GBE1: variants seen among roughly 807,000 people sequenced by gnomAD.
GBE1 encodes the protein 1,4-alpha-glucan branching enzyme 1, also known as 1,4-alpha-glucan-branching enzyme.
Under a neutral mutation model 88.8 loss-of-function variants are expected in GBE1, and 70 were observed. The observed-to-expected ratio is 0.79, with a 90% CI of 0.65 to 0.96. The LOEUF is 0.96. Ranked by LOEUF, GBE1 falls within the 40% of genes least tolerant of loss-of-function variation. The pLI is 0.00. For synonymous variants in GBE1, 284 were observed against 300.1 expected (o/e 0.95, Z 0.56); for missense variants, 872 against 871.0 (o/e 1.00, Z -0.01).
At chr3:81,575,226 T>A (rs1703630723) in intron 12 of GBE1, among the ~76,000 whole-genome samples, 1 of 150,218 alleles carries the variant, frequency 6.7e-6, no homozygotes, top group South Asian at 2.1e-4. Flanking sequence ...AATTTAGTTA[T>A]TGCTGATCTC....
intron 5 of GBE1, 114 bp from the exon 6 acceptor site, chr3:81,646,596 T>G (rs371772328): frequency 7.9e-6 from 5 of 635,284 alleles, no homozygotes; most frequent in Non-Finnish European, 1.4e-5. Context: ...ATCTAGAAGC[T>G]TTGGTCGTCT....
At chr3:81,664,559 A>G (rs1416623493) in intron 3 of GBE1, among the ~76,000 whole-genome samples, 4 of 152,158 alleles carry the variant, frequency 2.6e-5, no homozygotes, top group Admixed American at 2.6e-4. Context: ...GAAAACCAAC[A>G]AAATTTCTTC....
At chr3:81,506,722 G>A (rs1225272228) in intron 14 of GBE1, among the ~76,000 whole-genome samples, 1 of 152,160 alleles carries the variant, frequency 6.6e-6, no homozygotes, top group African/African-American at 2.4e-5. Flanking sequence ...CATACACCAT[G>A]GAATGCTATG....
At position 81,725,138 on chromosome 3, in the gene GBE1, C is replaced by T. The variant is rs778948409; in HGVS notation, c.144-19525G>A. Among the ~76,000 whole-genome samples, 8 of 152,238 alleles carry T rather than the reference C, an allele frequency of 5.3e-5. No individual in the cohort carries two copies. In the South Asian group the frequency reaches 6.2e-4, roughly 12 times the overall value. On this transcript the variant is annotated intron_variant, in intron 1 of 15. Coordinates refer to ENST00000429644, the MANE Select transcript of GBE1 (RefSeq NM_000158.4). ...GCTTTATACACACTGTCACAGGCTACGCTAAATTTATATTTAAACATTTTT... is the reference window on the plus strand; with the variant it reads ...GCTTTATACACACTGTCACAGGCTATGCTAAATTTATATTTAAACATTTTT...
At chr3:81,728,002 A>G (rs1048450272) in intron 1 of GBE1, among the ~76,000 whole-genome samples, 1 of 152,086 alleles carries the variant, frequency 6.6e-6, no homozygotes, top group African/African-American at 2.4e-5. Flanking sequence ...AGAATTATCA[A>G]TTAACCCTCC....
chr3:81,512,724 G>C (rs1015533272), intron 14 of GBE1, among the ~76,000 whole-genome samples: 5 of 151,818 alleles, frequency 3.3e-5, no homozygotes, highest in African/African-American at 7.2e-5. Flanking sequence ...CTCACATGTA[G>C]ATTGAGGACA....
chr3:81,575,541 T>C (rs894164155), intron 12 of GBE1, among the ~76,000 whole-genome samples: 11 of 152,140 alleles, frequency 7.2e-5, no homozygotes, highest in African/African-American at 2.7e-4. Context: ...TATAAAAATA[T>C]GTGCTATACA....
chr3:81,640,867 A>G (rs371909709), intron 7 of GBE1, among the ~76,000 whole-genome samples: 1 of 152,162 alleles, frequency 6.6e-6, no homozygotes, highest in East Asian at 1.9e-4. Context: ...TTAAGCTAAA[A>G]CTATAGGATG....
At chr3:81,568,890 G>A (rs1473981192) in intron 12 of GBE1, among the ~76,000 whole-genome samples, 1 of 152,002 alleles carries the variant, frequency 6.6e-6, no homozygotes, top group African/African-American at 2.4e-5. Context: ...CACAGATTGT[G>A]AGCTAAATGG....
chr3:81,512,726 T>C (rs1427229022), intron 14 of GBE1, among the ~76,000 whole-genome samples: 1 of 151,828 alleles, frequency 6.6e-6, no homozygotes, highest in Non-Finnish European at 1.5e-5. Context: ...CACATGTAGA[T>C]TGAGGACAAA....
chr3:81,537,149 T>C, intron 12 of GBE1, 54 bp from the exon 13 acceptor site: 4 of 1,037,524 alleles, frequency 3.9e-6, no homozygotes, highest in Non-Finnish European at 5.3e-6. Flanking sequence ...AATTTCTTAC[T>C]AATAATAAAT....
intron 3 of GBE1, among the ~76,000 whole-genome samples, chr3:81,657,962 A>G (rs1247318046): frequency 6.6e-6 from 1 of 152,158 alleles, no homozygotes; most frequent in Non-Finnish European, 1.5e-5. Context: ...ACTGGACACT[A>G]CACAGGAGAA....
intron 8 of GBE1, among the ~76,000 whole-genome samples, chr3:81,593,084 T>C (rs2047016): frequency 0.65 from 98,382 of 151,720 alleles, 33,558 homozygotes; most frequent in East Asian, 0.92. Context: ...AATAATTGGC[T>C]GGGTGTGGTG....
rs576446278 is a variant in GBE1, at chr3:81,513,480, G to A, written c.1935-14253C>T. On this transcript the variant is annotated intron_variant, in intron 14 of 15. Transcript: ENST00000429644. ...CTAGAGGGCAAAGAGTTGGAGTTCTGTCTTAGGAAAATCAAGGCCCGGAAA... is the reference window on the plus strand; with the variant it reads ...CTAGAGGGCAAAGAGTTGGAGTTCTATCTTAGGAAAATCAAGGCCCGGAAA... Among the ~76,000 whole-genome samples the A allele has an allele frequency of 2.6e-5, 4 of 151,372 alleles. No homozygotes were observed. In the East Asian group the frequency reaches 7.8e-4, roughly 29 times the overall value.
At chr3:81,574,138 T>C (rs1394932747) in intron 12 of GBE1, among the ~76,000 whole-genome samples, 1 of 152,138 alleles carries the variant, frequency 6.6e-6, no homozygotes, top group East Asian at 1.9e-4. Context: ...TTTTAACAAA[T>C]CACTACATTT....
intron 2 of GBE1, among the ~76,000 whole-genome samples, chr3:81,702,102 A>AGAGAGAGTGTGT (rs1468506890): frequency 2.6e-5 from 3 of 115,472 alleles, no homozygotes; most frequent in African/African-American, 5.8e-5. Flanking sequence ...AGAGAGAGAG[A>AGAGAGAGTGTGT]GTGTGTGTGT....
intron 7 of GBE1, among the ~76,000 whole-genome samples, chr3:81,598,238 T>A (rs1418790078): frequency 6.6e-6 from 1 of 151,810 alleles, no homozygotes; most frequent in South Asian, 2.1e-4. Context: ...ATCAAAAAAA[T>A]ATAAAGGAAA....
intron 7 of GBE1, among the ~76,000 whole-genome samples, chr3:81,610,198 G>A (rs1377548619): frequency 6.6e-6 from 1 of 152,130 alleles, no homozygotes; most frequent in African/African-American, 2.4e-5. Flanking sequence ...TAGAGCAATA[G>A]CAGTACTAAG....
intron 7 of GBE1, among the ~76,000 whole-genome samples, chr3:81,616,342 T>A (rs1704247935): frequency 1.3e-5 from 2 of 152,160 alleles, no homozygotes; most frequent in Non-Finnish European, 2.9e-5. Flanking sequence ...ATTTTCACAT[T>A]TTACGTGTTA....
Sources: gnomAD v4.1 joint callset for allele counts (sites outside exome capture counted in the v4.1 genomes callset) on GRCh38, gnomAD v4.1.1 for gene constraint, MANE v1.5 for transcripts, NCBI Gene and HGNC (gene_info 2026-07-23, HGNC 2026-07-21) for gene names.